TENM3: variants seen among roughly 807,000 people sequenced by gnomAD.
TENM3 encodes the protein teneurin-3.
TENM3 carries 63 observed loss-of-function variants against 255.1 expected under a neutral mutation model. That is an observed-to-expected ratio of 0.25 (90% CI 0.20 to 0.30). The LOEUF is 0.30. TENM3 is among the 10% of genes least tolerant of loss of function. TENM3 has a pLI of 1.00. For missense variants in TENM3, 2,929 were observed against 3,461.1 expected (o/e 0.85, Z 3.86); for synonymous variants, 1,306 against 1,322.3 (o/e 0.99, Z 0.27).
intron 24 of TENM3, among the ~76,000 whole-genome samples, chr4:182,779,327 C>A (rs917932549): frequency 6.6e-6 from 1 of 151,658 alleles, no homozygotes; most frequent in South Asian, 2.1e-4. Context: ...TTTGTACTTG[C>A]GATAGTTTAC....
chr4:182,711,588 T>A (rs1391127840), intron 12 of TENM3: 14 of 980,608 alleles, frequency 1.4e-5, no homozygotes, highest in Non-Finnish European at 1.7e-5. Context: ...ACTATTTGGA[T>A]AAGATAGTTA....
the TENM3 span, among the ~76,000 whole-genome samples, chr4:181,742,410 T>C: frequency 6.6e-6 from 1 of 152,128 alleles, no homozygotes; most frequent in Non-Finnish European, 1.5e-5. Context: ...ATTCATTAAC[T>C]CAACAAATGT....
At chr4:182,223,619 T>A (rs1755970399) in intron 1 of TENM3, among the ~76,000 whole-genome samples, 1 of 152,090 alleles carries the variant, frequency 6.6e-6, no homozygotes, top group South Asian at 2.1e-4. Flanking sequence ...GTTATCTCCT[T>A]TATATAAATG....
the TENM3 span, among the ~76,000 whole-genome samples, chr4:181,862,591 C>G: frequency 1.3e-5 from 2 of 152,082 alleles, no homozygotes; most frequent in Admixed American, 1.3e-4. Flanking sequence ...GGGAGCAAAA[C>G]AAAACATATT....
At chr4:181,553,320 G>GTATA in the TENM3 span, among the ~76,000 whole-genome samples, 9,050 of 115,698 alleles carry the variant, frequency 0.078, 348 homozygotes, top group Middle Eastern at 0.11. Flanking sequence ...ATGTGTATGC[G>GTATA]TATATATATA....
At chr4:182,145,185 G>C (rs1749865081) in intron 1 of TENM3, 1 of 152,306 alleles carries the variant, frequency 6.6e-6, no homozygotes, top group South Asian at 2.1e-4. Context: ...GGCTTCCAGC[G>C]AGCGGAAAGC....
chr4:182,129,973 T>C, the TENM3 span, among the ~76,000 whole-genome samples: 1 of 152,166 alleles, frequency 6.6e-6, no homozygotes, highest in Admixed American at 6.5e-5. Flanking sequence ...TTGGCTACTA[T>C]TGTTCTTACT....
chr4:181,449,310 C>T, the TENM3 span, among the ~76,000 whole-genome samples: 2 of 152,092 alleles, frequency 1.3e-5, no homozygotes, highest in Non-Finnish European at 2.9e-5. Context: ...TTGAGCCGAC[C>T]TAACTACACA....
intron 12 of TENM3, among the ~76,000 whole-genome samples, chr4:182,701,067 A>G (rs895647653): frequency 6.6e-6 from 1 of 152,072 alleles, no homozygotes; most frequent in Non-Finnish European, 1.5e-5. Context: ...CAAAATTAAT[A>G]TTTATATATG....
chr4:182,743,539 C>T (rs1579314980), intron 19 of TENM3, 120 bp downstream of exon 19: 1 of 1,143,852 alleles, frequency 8.7e-7, no homozygotes, highest in East Asian at 2.5e-5. Flanking sequence ...TTAAAATTTC[C>T]CCCAGAAAGA....
the TENM3 span, among the ~76,000 whole-genome samples, chr4:181,682,632 C>T: frequency 1.3e-5 from 2 of 152,090 alleles, no homozygotes; most frequent in South Asian, 4.1e-4. Context: ...ATTGGATTGA[C>T]TTGTACCACA....
rs374170591 is a variant in TENM3 at position 182,481,157 on chromosome 4, A to G, written c.512-119767A>G. 4.6e-5 allele frequency among the ~76,000 whole-genome samples: 7 copies of G among 152,188 alleles called. No individual in the cohort carries two copies. The East Asian group carries it at 7.7e-4, about 17-fold the overall frequency. ...TCAGAGAGAGGCCAAGAGAGTTTCT[A>G]TAACAAGTCGTAAATATATTTTTTA... On this transcript the variant is annotated intron_variant, in intron 3 of 27. Transcript: ENST00000511685.
At chr4:181,675,613 T>A in the TENM3 span, among the ~76,000 whole-genome samples, 58 of 152,252 alleles carry the variant, frequency 3.8e-4, no homozygotes, top group African/African-American at 1.3e-3. Flanking sequence ...GAAAGAGACA[T>A]GGCAGAGACA....
At chr4:182,179,089 G>T (rs530517391) in intron 1 of TENM3, among the ~76,000 whole-genome samples, 1 of 152,140 alleles carries the variant, frequency 6.6e-6, no homozygotes, top group Non-Finnish European at 1.5e-5. Flanking sequence ...AAAATAAACC[G>T]TAAAAATTGC....
chr4:181,784,376 A>T, the TENM3 span, among the ~76,000 whole-genome samples: 1 of 152,054 alleles, frequency 6.6e-6, no homozygotes, highest in Non-Finnish European at 1.5e-5. Flanking sequence ...ATCTTAATTT[A>T]CATTGTCTGT....
the TENM3 span, among the ~76,000 whole-genome samples, chr4:181,458,785 T>A: frequency 1.4e-4 from 21 of 152,128 alleles, no homozygotes; most frequent in Non-Finnish European, 1.9e-4. Flanking sequence ...ATGTGTTGTA[T>A]TTATTCATGC....
the TENM3 span, among the ~76,000 whole-genome samples, chr4:182,050,648 A>T: frequency 6.6e-6 from 1 of 152,134 alleles, no homozygotes; most frequent in Admixed American, 6.5e-5. Flanking sequence ...TACTAAAAAT[A>T]CAAACACTAG....
intron 3 of TENM3, among the ~76,000 whole-genome samples, chr4:182,487,472 G>A (rs1580718384): frequency 6.6e-6 from 1 of 152,090 alleles, no homozygotes; most frequent in Admixed American, 6.6e-5. Context: ...ATTTGGTTAG[G>A]GCGGTAGAAT....
chr4:181,686,074 C>A, the TENM3 span, among the ~76,000 whole-genome samples: 1 of 152,216 alleles, frequency 6.6e-6, no homozygotes, highest in Non-Finnish European at 1.5e-5. Context: ...TCACTGTGCC[C>A]TTTGCTGGGC....
Sources: gnomAD v4.1 joint callset for allele counts (sites outside exome capture counted in the v4.1 genomes callset) on GRCh38, gnomAD v4.1.1 for gene constraint, MANE v1.5 for transcripts, NCBI Gene and HGNC (gene_info 2026-07-23, HGNC 2026-07-21) for gene names.